FAAH2: variants seen among roughly 807,000 people sequenced by gnomAD.
The protein encoded by FAAH2 is fatty acid amide hydrolase 2, also known as fatty-acid amide hydrolase 2.
A neutral mutation model predicts 36.9 loss-of-function variants in FAAH2; 60 were observed. The ratio of observed to expected loss-of-function variants is 1.63; its 90% CI spans 1.32 to 2.02. FAAH2 has a LOEUF of 2.02. FAAH2 is among the 30% of genes most tolerant of loss of function. FAAH2 has a pLI of 0.00. For missense variants in FAAH2, 689 were observed against 397.5 expected (o/e 1.73, Z -6.23); for synonymous variants, 214 against 143.8 (o/e 1.49, Z -3.49).
chrX:57,326,438 G>A (rs1015845006), intron 3 of FAAH2, among the ~76,000 whole-genome samples: 29 of 114,266 alleles, frequency 2.5e-4, no homozygotes, highest in African/African-American at 9.0e-4. Context: ...TGACAGTGGG[G>A]TGTTAAAGTC....
intron 10 of FAAH2, among the ~76,000 whole-genome samples, chrX:57,483,881 G>A (rs1327473062): frequency 1.1e-5 from 1 of 95,125 alleles, no homozygotes; most frequent in Non-Finnish European, 2.0e-5. Flanking sequence ...CTCACCACAA[G>A]CTCCACCTCC....
At chrX:57,178,502 C>G in the FAAH2 span, among the ~76,000 whole-genome samples, 4 of 110,734 alleles carry the variant, frequency 3.6e-5, no homozygotes, top group African/African-American at 9.9e-5. Flanking sequence ...GTGGATAAGG[C>G]CATGGAGCTC....
intron 5 of FAAH2, among the ~76,000 whole-genome samples, chrX:57,362,968 G>A (rs1397029001): frequency 9.0e-6 from 1 of 111,630 alleles, no homozygotes; most frequent in African/African-American, 3.3e-5. Context: ...ATGTTGCTTG[G>A]TTACTGCAGC....
intron 5 of FAAH2, among the ~76,000 whole-genome samples, chrX:57,349,140 A>T (rs1262714433): frequency 1.2e-5 from 1 of 84,641 alleles, no homozygotes; most frequent in Non-Finnish European, 2.3e-5. Context: ...TATATATATT[A>T]TATACATATA....
intron 7 of FAAH2, chrX:57,394,067 AT>A: frequency 1.4e-6 from 1 of 732,624 alleles, no homozygotes; most frequent in Middle Eastern, 2.9e-4. Context: ...CTGAGCATCA[AT>A]AGCCGCAGCA....
Position 57,298,025 on chromosome X carries a change from G to C in FAAH2, c.275+5445G>C. ...TAATGGGAGACTTTAACACCCCACTGTCAACATTAGACGGATCAACGAGAC... is the reference window on the plus strand; with the variant it reads ...TAATGGGAGACTTTAACACCCCACTCTCAACATTAGACGGATCAACGAGAC... On this transcript the variant is annotated intron_variant, in intron 2 of 10. Coordinates refer to ENST00000374900, the MANE Select transcript of FAAH2 (RefSeq NM_174912.4). Among the ~76,000 whole-genome samples the C allele has an allele frequency of 1.8e-4, 2 of 11,422 alleles. 1 individual carries two copies. Among genetic ancestry groups the C allele is most frequent in the African/African-American group, 1.8e-4 (2 of 10,833 alleles). The allele number at this position is 11,422 out of a possible 115,157, so 9.9% of individuals were successfully genotyped here.
chrX:57,307,932 A>G (rs1378955617), intron 2 of FAAH2, among the ~76,000 whole-genome samples: 1 of 89,948 alleles, frequency 1.1e-5, no homozygotes, highest in African/African-American at 4.0e-5. Flanking sequence ...TTAGGTTAAT[A>G]ATGACCTCTG....
intron 2 of FAAH2, among the ~76,000 whole-genome samples, chrX:57,306,493 C>A (rs2052526182): frequency 9.1e-6 from 1 of 109,395 alleles, no homozygotes; most frequent in Non-Finnish European, 1.9e-5. Flanking sequence ...ACAACTAGAC[C>A]CTGGGAAGTT....
At chrX:57,184,838 CT>C in the FAAH2 span, among the ~76,000 whole-genome samples, 1 of 111,609 alleles carries the variant, frequency 9.0e-6, no homozygotes, top group Non-Finnish European at 1.9e-5. Flanking sequence ...TTCCAAGTGT[CT>C]TTTTTTTCCC....
chrX:57,262,877 C>A, the FAAH2 span, among the ~76,000 whole-genome samples: 10 of 111,333 alleles, frequency 9.0e-5, no homozygotes, highest in Middle Eastern at 4.7e-3. Context: ...CCATATTAAT[C>A]AATGCAGAAG....
chrX:57,145,878 G>A, the FAAH2 span, among the ~76,000 whole-genome samples: 2 of 111,261 alleles, frequency 1.8e-5, no homozygotes, highest in South Asian at 7.5e-4. Flanking sequence ...AGGCATTTAG[G>A]TTTATTTCTG....
intron 5 of FAAH2, among the ~76,000 whole-genome samples, chrX:57,345,404 A>AT (rs1405823043): frequency 1.8e-5 from 2 of 109,821 alleles, no homozygotes; most frequent in East Asian, 5.7e-4. Context: ...TTTTTTCTAG[A>AT]TTTTCTAATT....
the FAAH2 span, among the ~76,000 whole-genome samples, chrX:57,261,544 C>A: frequency 1.4e-5 from 1 of 70,813 alleles, no homozygotes. Flanking sequence ...CAGAGCGAGA[C>A]TCTGTCTCAA....
At position 57,341,268 on chromosome X, in the gene FAAH2, T is replaced by C. The variant is rs762858325; in HGVS notation, c.623-3T>C. ...ATTTGCAAGTATTTTGTGTTTCTTGTAGGTGGTGAGGGCTGCACACTGGCA... is the reference window on the plus strand; with the variant it reads ...ATTTGCAAGTATTTTGTGTTTCTTGCAGGTGGTGAGGGCTGCACACTGGCA... On this transcript the variant is annotated splice_region_variant and splice_polypyrimidine_tract_variant and intron_variant, in intron 4 of 10. Transcript: ENST00000374900. 1.8e-5 allele frequency: 22 copies of C among 1,198,537 alleles called. No individual in the cohort carries two copies. In the South Asian group the frequency reaches 3.3e-4, roughly 18 times the overall value.
chrX:57,234,273 A>G, the FAAH2 span, among the ~76,000 whole-genome samples: 1 of 111,437 alleles, frequency 9.0e-6, no homozygotes. Flanking sequence ...ACAGGTCTTA[A>G]TTGATCTCTC....
At chrX:57,257,797 A>G in the FAAH2 span, among the ~76,000 whole-genome samples, 1 of 111,529 alleles carries the variant, frequency 9.0e-6, no homozygotes, top group South Asian at 3.8e-4. Flanking sequence ...CCCAAAATCT[A>G]TAGGAGAGTG....
the FAAH2 span, among the ~76,000 whole-genome samples, chrX:57,243,890 G>A: frequency 9.1e-6 from 1 of 110,077 alleles, no homozygotes; most frequent in African/African-American, 3.3e-5. Flanking sequence ...ACTGAACAGA[G>A]AATGAATTTG....
intron 7 of FAAH2, among the ~76,000 whole-genome samples, chrX:57,410,977 CT>C (rs1293183674): frequency 1.8e-5 from 2 of 111,552 alleles, no homozygotes; most frequent in African/African-American, 6.5e-5. Flanking sequence ...TCCTTCAATT[CT>C]TTCATATTTC....
the FAAH2 span, among the ~76,000 whole-genome samples, chrX:57,159,051 T>C: frequency 7.1e-5 from 8 of 112,615 alleles, no homozygotes; most frequent in East Asian, 1.9e-3. Context: ...TTCAGCTTTC[T>C]ACATATGGCT....
Sources: allele counts gnomAD v4.1 joint callset (sites outside exome capture counted in the v4.1 genomes callset), GRCh38; gene constraint gnomAD v4.1.1; transcripts MANE v1.5; gene names NCBI Gene and HGNC (gene_info 2026-07-23, HGNC 2026-07-21).